TYW1B: variants seen among roughly 807,000 people sequenced by gnomAD.
TYW1B encodes S-adenosyl-L-methionine-dependent tRNA 4-demethylwyosine synthase TYW1B.
A neutral mutation model predicts 86.9 loss-of-function variants in TYW1B; 73 were observed. That is an observed-to-expected ratio of 0.84 (90% CI 0.70 to 1.02). The LOEUF is 1.02. Ranked by LOEUF, TYW1B falls within the 50% of genes least tolerant of loss-of-function variation. The pLI is 0.00. For synonymous variants in TYW1B, 248 were observed against 292.8 expected, an observed-to-expected ratio of 0.85 and a Z score of 1.56; for missense variants, 637 against 827.4, an observed-to-expected ratio of 0.77 and a Z score of 2.82.
intron 11 of TYW1B, among the ~76,000 whole-genome samples, chr7:72,664,834 C>A (rs1554445003): frequency 6.6e-6 from 1 of 152,074 alleles, no homozygotes; most frequent in Admixed American, 6.5e-5. Flanking sequence ...CCAGGAACCT[C>A]ATGGACGGCA....
intron 9 of TYW1B, among the ~76,000 whole-genome samples, chr7:72,715,743 T>TAA (rs1381575157): frequency 6.9e-6 from 1 of 145,628 alleles, no homozygotes; most frequent in Admixed American, 6.9e-5. Context: ...ACTTAAGAGT[T>TAA]AAAAAAAAAA....
chr7:72,741,674 T>C lies in TYW1B; in HGVS notation c.1082+2810A>G, dbSNP rs368663889. Among the ~76,000 whole-genome samples the C allele has an allele frequency of 1.4e-4, 21 of 152,286 alleles. No homozygotes were observed. The East Asian group carries it at 1.9e-3, about 14-fold the overall frequency. On this transcript the variant is annotated intron_variant, in intron 8 of 13. Coordinates refer to ENST00000620995, the MANE Select transcript of TYW1B (RefSeq NM_001145440.3). The stretch of plus-strand genomic sequence containing the variant: ...AGTAGTACAAACACAAAGAGATCCA[T>C]ACCAAGATATGTTATAATCAAACTG...
At chr7:72,737,787 C>CTTT (rs34001923) in intron 8 of TYW1B, among the ~76,000 whole-genome samples, 13 of 138,852 alleles carry the variant, frequency 9.4e-5, no homozygotes, top group Non-Finnish European at 1.5e-4. Flanking sequence ...CATTTTACTT[C>CTTT]TTTTTTTTTT....
At chr7:72,614,581 C>T (rs564111365) in intron 13 of TYW1B, among the ~76,000 whole-genome samples, 12 of 150,952 alleles carry the variant, frequency 7.9e-5, no homozygotes, top group Admixed American at 6.0e-4. Flanking sequence ...TGCAGTGAGC[C>T]GAGGTTGCGT....
At chr7:72,616,617 A>G (rs1812078322) in intron 13 of TYW1B, 55 bp downstream of exon 13, 1 of 1,613,352 alleles carries the variant, frequency 6.2e-7, no homozygotes, top group African/African-American at 1.3e-5. Context: ...AGAGAAGAGA[A>G]GGAAAGAACA....
chr7:72,602,331 T>C (rs140349914), intron 13 of TYW1B, among the ~76,000 whole-genome samples: 1,899 of 152,192 alleles, frequency 0.012, 40 homozygotes, highest in African/African-American at 0.041. Context: ...CTCTCACTGT[T>C]GGGTTGGGAA....
At position 72,628,953 on chromosome 7, in the gene TYW1B, G is replaced by C; in HGVS notation, c.1551C>G (p.Asn517Lys). 6.3e-7 allele frequency: 1 copy of C among 1,581,404 alleles called. No homozygotes were observed. The highest frequency in any genetic ancestry group is 8.6e-7 in the Non-Finnish European group (1 of 1,163,238). ...VYRLMLVKAWNVDELQAYAQL... is the reference protein window; with the variant it reads ...VYRLMLVKAWKVDELQAYAQL... ...GCGCGTAGGCCTGGAGCTCGTCCAC[G>C]TTCCATGCTTTCACGAGCATCAGTC... Residue 517 changes from asparagine (N) to lysine (K), a missense_variant, in exon 12 of 14, where the codon AAC (asparagine) becomes AAG (lysine). Coordinates refer to ENST00000620995, the MANE Select transcript of TYW1B (RefSeq NM_001145440.3).
chr7:72,714,926 C>A (rs1279939837), intron 9 of TYW1B, among the ~76,000 whole-genome samples: 3 of 152,156 alleles, frequency 2.0e-5, no homozygotes, highest in Non-Finnish European at 4.4e-5. Context: ...CCAAAAAAAA[C>A]CAAAAATACT....
chr7:72,730,888 T>C (rs551051870), intron 8 of TYW1B, among the ~76,000 whole-genome samples: 43 of 144,726 alleles, frequency 3.0e-4, no homozygotes, highest in Non-Finnish European at 6.0e-4. Context: ...ATATGGACAT[T>C]CAGATCAAGC....
At chr7:72,612,523 T>C (rs1445368910) in intron 13 of TYW1B, among the ~76,000 whole-genome samples, 2 of 152,250 alleles carry the variant, frequency 1.3e-5, no homozygotes, top group African/African-American at 4.8e-5. Flanking sequence ...AAGGTACCTT[T>C]TCATAGATAG....
At chr7:72,653,629 C>A (rs1250154041) in intron 11 of TYW1B, among the ~76,000 whole-genome samples, 2 of 49,098 alleles carry the variant, frequency 4.1e-5, no homozygotes, top group African/African-American at 7.2e-5. Context: ...TAATAATATA[C>A]CTGCTAACCA....
At chr7:72,669,028 G>T (rs1405575195) in intron 11 of TYW1B, among the ~76,000 whole-genome samples, 1 of 150,622 alleles carries the variant, frequency 6.6e-6, no homozygotes, top group Non-Finnish European at 1.5e-5. Context: ...CACAAAGCAA[G>T]AGTTGGTGGA....
chr7:72,674,764 T>G (rs1317114998), intron 11 of TYW1B, among the ~76,000 whole-genome samples: 5 of 150,290 alleles, frequency 3.3e-5, no homozygotes, highest in African/African-American at 9.8e-5. Context: ...TCTCTCTTTT[T>G]TTTTTTTTTT....
chr7:72,798,468 C>A (rs567542061), intron 6 of TYW1B, among the ~76,000 whole-genome samples: 1 of 152,240 alleles, frequency 6.6e-6, no homozygotes, highest in South Asian at 2.1e-4. Flanking sequence ...GCATATCAAT[C>A]CACCATAGTA....
rs113746945 is a variant in TYW1B at position 72,604,881 on chromosome 7, C to A, written c.1785+11791G>T. Reference sequence around the variant, plus strand: ...TTACCTGAACGTGAGTGGGATTTGTCTTTCCGCTGCTCAAAGCCAAGGTCA... The same window carrying A: ...TTACCTGAACGTGAGTGGGATTTGTATTTCCGCTGCTCAAAGCCAAGGTCA... On this transcript the variant is annotated intron_variant, in intron 13 of 13. Coordinates refer to ENST00000620995, the MANE Select transcript of TYW1B (RefSeq NM_001145440.3). 7.1e-3 allele frequency among the ~76,000 whole-genome samples: 1,081 copies of A among 152,272 alleles called. 13 individuals are homozygous for A. The highest frequency in any genetic ancestry group is 0.024 in the African/African-American group (1,001 of 41,572).
At chr7:72,743,413 T>A (rs1787338467) in intron 8 of TYW1B, among the ~76,000 whole-genome samples, 1 of 152,102 alleles carries the variant, frequency 6.6e-6, no homozygotes, top group African/African-American at 2.4e-5. Flanking sequence ...TCAACTAAGA[T>A]AAGAATTAAG....
chr7:72,622,557 C>T (rs1332194097), intron 12 of TYW1B, among the ~76,000 whole-genome samples: 1 of 152,156 alleles, frequency 6.6e-6, no homozygotes, highest in Non-Finnish European at 1.5e-5. Flanking sequence ...TCTCACCCCA[C>T]ATGAGACTCT....
At chr7:72,704,654 C>T (rs1386890617) in intron 10 of TYW1B, among the ~76,000 whole-genome samples, 1 of 151,610 alleles carries the variant, frequency 6.6e-6, no homozygotes, top group Non-Finnish European at 1.5e-5. Context: ...TTTTGACCAA[C>T]ATTACTTAGC....
chr7:72,593,641 T>A (rs1658717038), intron 13 of TYW1B, among the ~76,000 whole-genome samples: 2 of 151,388 alleles, frequency 1.3e-5, no homozygotes, highest in Non-Finnish European at 2.9e-5. Flanking sequence ...GCTAACACAG[T>A]GAAACCCCGT....
Sources: allele counts gnomAD v4.1 joint callset (sites outside exome capture counted in the v4.1 genomes callset), GRCh38; gene constraint gnomAD v4.1.1; transcripts MANE v1.5; gene names NCBI Gene and HGNC (gene_info 2026-07-23, HGNC 2026-07-21).